SLC7A9: variants seen among roughly 807,000 people sequenced by gnomAD.
SLC7A9 encodes the protein solute carrier family 7 member 9, also known as B(0,+)-type amino acid transporter 1.
Under a neutral mutation model 54.1 loss-of-function variants are expected in SLC7A9, and 38 were observed. The observed-to-expected ratio is 0.70, with a 90% CI of 0.54 to 0.92. The LOEUF (loss-of-function observed/expected upper bound fraction) is 0.92, where lower values mean the gene tolerates loss of function less well. SLC7A9 is among the 40% of genes least tolerant of loss of function. The pLI is 0.00. For synonymous variants in SLC7A9, 264 were observed against 258.9 expected, an observed-to-expected ratio of 1.02 and a Z score of -0.19; for missense variants, 537 against 636.1, an observed-to-expected ratio of 0.84 and a Z score of 1.68.
At chr19:32,851,010 T>C (rs1158885519) in intron 9 of SLC7A9, among the ~76,000 whole-genome samples, 1 of 152,108 alleles carries the variant, frequency 6.6e-6, no homozygotes, top group Non-Finnish European at 1.5e-5. Context: ...TTACACCTTA[T>C]ACAAAAATTA....
intron 2 of SLC7A9, among the ~76,000 whole-genome samples, chr19:32,866,440 T>C (rs1968973735): frequency 6.6e-6 from 1 of 152,186 alleles, no homozygotes; most frequent in African/African-American, 2.4e-5. Flanking sequence ...TTTTGGTTTT[T>C]AGAGTCAGGG....
In SLC7A9 at chr19:32,840,605, A is replaced by T. The variant is rs145695999; in HGVS notation, c.1224+1563T>A. Among the ~76,000 whole-genome samples the T allele has an allele frequency of 1.2e-3, 179 of 152,238 alleles. 1 individual carries two copies. In the East Asian group the frequency reaches 0.014, roughly 12 times the overall value. On this transcript the variant is annotated intron_variant, in intron 11 of 12. Transcript: ENST00000023064. ...TGAGAGATTTGTATCCACAGGCTCCAGCTCCTTGACCCTGATATTCTTGCC... is the reference window on the plus strand; with the variant it reads ...TGAGAGATTTGTATCCACAGGCTCCTGCTCCTTGACCCTGATATTCTTGCC...
chr19:32,863,351 T>A (rs1599686090), intron 4 of SLC7A9, among the ~76,000 whole-genome samples: 1 of 148,980 alleles, frequency 6.7e-6, no homozygotes, highest in African/African-American at 2.5e-5. Context: ...GGTCTCGAAC[T>A]CGTGACCTCA....
intron 9 of SLC7A9, among the ~76,000 whole-genome samples, chr19:32,856,588 C>T (rs928233688): frequency 6.6e-6 from 1 of 151,896 alleles, no homozygotes; most frequent in Non-Finnish European, 1.5e-5. Context: ...CACACTGTAC[C>T]ACATACATAT....
intron 9 of SLC7A9, among the ~76,000 whole-genome samples, chr19:32,852,296 G>A (rs904509257): frequency 6.6e-6 from 1 of 151,994 alleles, no homozygotes; most frequent in Non-Finnish European, 1.5e-5. Flanking sequence ...TTTGAGACCA[G>A]CTTGGGCAAC....
At chr19:32,850,319 G>A (rs1308941804) in intron 9 of SLC7A9, among the ~76,000 whole-genome samples, 1 of 148,798 alleles carries the variant, frequency 6.7e-6, no homozygotes, top group Non-Finnish European at 1.5e-5. Flanking sequence ...AAGCTGATAA[G>A]CAACTTCAGC....
chr19:32,862,000 G>A, intron 6 of SLC7A9, 118 bp downstream of exon 6: 4 of 779,172 alleles, frequency 5.1e-6, no homozygotes, highest in Non-Finnish European at 9.2e-6. Flanking sequence ...GAGGGTGAAT[G>A]TCAGAGTCAC....
intron 2 of SLC7A9, among the ~76,000 whole-genome samples, chr19:32,867,391 C>G (rs879427892): frequency 6.6e-6 from 1 of 152,056 alleles, no homozygotes; most frequent in African/African-American, 2.4e-5. Context: ...GTGGTGTGCT[C>G]CTGTAGTCCC....
At chr19:32,836,625 T>G (rs181467593) in intron 11 of SLC7A9, among the ~76,000 whole-genome samples, 30 of 152,268 alleles carry the variant, frequency 2.0e-4, no homozygotes, top group Admixed American at 1.7e-3. Flanking sequence ...ACCTCTAAGA[T>G]CTATCTTGCT....
chr19:32,860,581 T>G (rs534802508), intron 7 of SLC7A9, 25 bp downstream of exon 7: 7 of 1,614,070 alleles, frequency 4.3e-6, no homozygotes, highest in Admixed American at 1.7e-5. Flanking sequence ...CCGGCTACTG[T>G]CCTCTGCACT....
At chr19:32,830,974 T>C (rs1418390101) in intron 12 of SLC7A9, among the ~76,000 whole-genome samples, 1 of 152,160 alleles carries the variant, frequency 6.6e-6, no homozygotes, top group East Asian at 1.9e-4. Flanking sequence ...GGCAGGCTTT[T>C]AATCACATTC....
intron 2 of SLC7A9, among the ~76,000 whole-genome samples, chr19:32,867,815 C>T (rs532691622): frequency 6.2e-5 from 9 of 145,666 alleles, no homozygotes; most frequent in East Asian, 4.3e-4. Context: ...CGTAGTGGCA[C>T]ATGCCTGTAG....
intron 11 of SLC7A9, among the ~76,000 whole-genome samples, chr19:32,841,165 A>G (rs1414597899): frequency 6.6e-6 from 1 of 152,180 alleles, no homozygotes; most frequent in Non-Finnish European, 1.5e-5. Flanking sequence ...CCTAAAGCTA[A>G]AGACATTGTC....
At position 32,864,734 on chromosome 19, in the gene SLC7A9, T is replaced by C. The variant is rs751172805; in HGVS notation, c.130A>G (p.Ile44Val). 21 of 1,614,032 alleles carry C rather than the reference T, an allele frequency of 1.3e-5. No homozygotes were observed. The highest frequency in any genetic ancestry group is 1.7e-5 in the Non-Finnish European group (20 of 1,180,026). Reference sequence around the variant, plus strand: ...GGGGAAACGAAGATCCCAGAGCCAATGATGGTGCCCACGATGATGGAGATG... The same window carrying C: ...GGGGAAACGAAGATCCCAGAGCCAACGATGGTGCCCACGATGATGGAGATG... ...SGISIIVGTI[I>V]GSGIFVSPKS... The change falls in exon 3 of 13, where the codon ATT becomes GTT. Residue 44 changes from isoleucine to valine, a missense_variant. By Grantham distance (29) the Ile-to-Val change is conservative (BLOSUM62 3). Coordinates refer to ENST00000023064, the MANE Select transcript of SLC7A9 (RefSeq NM_014270.5).
intron 9 of SLC7A9, among the ~76,000 whole-genome samples, chr19:32,847,865 G>C (rs1178235100): frequency 2.0e-5 from 3 of 152,204 alleles, no homozygotes; most frequent in Admixed American, 2.0e-4. Context: ...AGCCAGAAGA[G>C]AGTGGGGGCC....
At chr19:32,848,653 G>A (rs1968373154) in intron 9 of SLC7A9, among the ~76,000 whole-genome samples, 3 of 152,258 alleles carry the variant, frequency 2.0e-5, no homozygotes, top group South Asian at 4.1e-4. Context: ...AGAATACCCA[G>A]GAATTGAACT....
chr19:32,862,663 T>A lies in SLC7A9; in HGVS notation c.479-77A>T, dbSNP rs866258185. ...AGAGAGTCTCCTTTCTTTTATATAT[T>A]TTTTATTTTTTTTTTTTTTTGAGAT... On this transcript the variant is annotated intron_variant, in intron 4 of 12. Transcript: ENST00000023064. 6.3e-4 allele frequency: 825 copies of A among 1,310,310 alleles called. 4 individuals carry two copies. In the African/African-American group the frequency reaches 0.012, roughly 19 times the overall value. The allele number at this position is 1,310,310 out of a possible 1,614,324, so 81.2% of individuals were successfully genotyped here.
In SLC7A9 at chr19:32,862,144, G is replaced by T; in HGVS notation, c.678C>A (p.Tyr226Ter). Residue 226 changes from tyrosine to a stop codon, truncating the protein, a stop_gained, in exon 6 of 13, where the codon TAC becomes TAA. Transcript: ENST00000023064. LOFTEE classifies it high-confidence loss of function. ...ATCCATCATAGGCCCAGAGTCCATT[G>T]TAAAACGCCAGGCTGATGGCTCCCA... ...LSVGAISLAF[Y>*]NGLWAYDGWN... 6.2e-7 allele frequency: 1 copy of T among 1,613,378 alleles called. No homozygotes were observed. Among genetic ancestry groups the T allele is most frequent in the Non-Finnish European group, 8.5e-7 (1 of 1,179,460 alleles).
Position 32,833,413 on chromosome 19 carries a change from C to G in SLC7A9, c.1225-90G>C. Reference sequence around the variant, plus strand: ...GATTTTTATAAAAAGAGTATGAACTCCATGTACCCCCTCCTCCAATTTCAA... The same window carrying G: ...GATTTTTATAAAAAGAGTATGAACTGCATGTACCCCCTCCTCCAATTTCAA... On this transcript the variant is annotated intron_variant, in intron 11 of 12. Coordinates refer to ENST00000023064, the MANE Select transcript of SLC7A9 (RefSeq NM_014270.5). 5 of 1,034,426 alleles carry G rather than the reference C, an allele frequency of 4.8e-6. No homozygotes were observed. In the East Asian group the frequency reaches 1.0e-4, roughly 21 times the overall value. 64.1% of individuals were successfully genotyped at this position (1,034,426 alleles called of 1,614,324 possible). A position where few individuals can be genotyped will look rare whatever the true frequency, so the allele number is the denominator to read the frequency against.
Sources: gnomAD v4.1 joint callset for allele counts (sites outside exome capture counted in the v4.1 genomes callset) on GRCh38, gnomAD v4.1.1 for gene constraint, MANE v1.5 for transcripts, NCBI Gene and HGNC (gene_info 2026-07-23, HGNC 2026-07-21) for gene names.